ZNF891: variants seen among roughly 807,000 people sequenced by gnomAD.
The protein encoded by ZNF891 is hCG1646157.
For synonymous variants in ZNF891, 199 were observed against 209.0 expected (o/e 0.95, Z 0.41); for missense variants, 589 against 632.7 (o/e 0.93, Z 0.74).
At position 133,109,394 on chromosome 12, in the gene ZNF891, C is replaced by T. The variant is rs1955664004; in HGVS notation, c.*10890G>A. 6.6e-6 allele frequency: 1 copy of T among 152,114 alleles called. No individual in the cohort carries two copies. Among genetic ancestry groups the T allele is most frequent in the African/African-American group, 2.4e-5 (1 of 41,414 alleles). The allele number at this position is 152,114 out of a possible 1,614,324, so 9.4% of individuals were successfully genotyped here. On this transcript the variant is annotated 3_prime_UTR_variant, in exon 2 of 2. Transcript: ENST00000537226. ...GATGCACTGTTAATGAGAATTTTAA[C>T]CATATAGGTGGCAATGGCTAAATGA...
intron 1 of ZNF891, among the ~76,000 whole-genome samples, chr12:133,126,969 C>CTTTT (rs543463648): frequency 9.0e-5 from 8 of 88,680 alleles, no homozygotes; most frequent in South Asian, 8.1e-4. Context: ...TACAGGAAAA[C>CTTTT]TTTTTTTTTT....
rs976273278 is a variant in ZNF891, at chr12:133,108,715, A to C, written c.*11569T>G. ...AACGTTTACTTTGGAGCAATCTCCA[A>C]TTAACCAAAGTGATACAAACACAGT... On this transcript the variant is annotated 3_prime_UTR_variant, in exon 2 of 2. Coordinates refer to ENST00000537226, the MANE Select transcript of ZNF891 (RefSeq NM_001277291.2). The C allele has an allele frequency of 2.0e-5, 3 of 152,252 alleles. No homozygotes were observed. The highest frequency in any genetic ancestry group is 7.2e-5 in the African/African-American group (3 of 41,468). The allele number at this position is 152,252 out of a possible 1,614,324, so 9.4% of individuals were successfully genotyped here.
rs553478006 is a variant in ZNF891 at position 133,110,567 on chromosome 12, C to A, written c.*9717G>T. The stretch of plus-strand genomic sequence containing the variant: ...AGCAACAATCAAATGCTTTGGGAGA[C>A]TTAAGATACTCACAAATAGGTAAAG... On this transcript the variant is annotated 3_prime_UTR_variant, in exon 2 of 2. Transcript: ENST00000537226. 6.6e-6 allele frequency: 1 copy of A among 152,308 alleles called. No individual in the cohort carries two copies. Among genetic ancestry groups the A allele is most frequent in the East Asian group, 1.9e-4 (1 of 5,192 alleles). The allele number at this position is 152,308 out of a possible 1,614,324, so 9.4% of individuals were successfully genotyped here.
chr12:133,128,804 A>AG (rs1443392585), intron 1 of ZNF891, among the ~76,000 whole-genome samples: 1 of 151,740 alleles, frequency 6.6e-6, no homozygotes, highest in Admixed American at 6.6e-5. Context: ...AAAAAAAAAA[A>AG]AAGTAGAAAA....
intron 1 of ZNF891, chr12:133,125,950 T>C: frequency 2.2e-6 from 1 of 445,892 alleles, no homozygotes; most frequent in Non-Finnish European, 4.4e-6. Flanking sequence ...CTGAATAATC[T>C]AAACTGAGTC....
chr12:133,129,669 A>T (rs555970284), intron 1 of ZNF891, among the ~76,000 whole-genome samples: 1 of 152,332 alleles, frequency 6.6e-6, no homozygotes, highest in Non-Finnish European at 1.5e-5. Context: ...TGAAGCTTGT[A>T]AAATCTTGTT....
chr12:133,105,229 G>T lies in ZNF891; in HGVS notation c.*15055C>A, dbSNP rs1034921771. Among the ~76,000 whole-genome samples the T allele has an allele frequency of 6.6e-6, 1 of 152,134 alleles. No individual in the cohort carries two copies. Among genetic ancestry groups the T allele is most frequent in the Non-Finnish European group, 1.5e-5 (1 of 68,026 alleles). ...ATACCGTTTAAATGGTGGTGAAGAA[G>T]ACTAGCAACCTATCCTTCACAAATA... On this transcript the variant is annotated 3_prime_UTR_variant, in exon 2 of 2. Coordinates refer to ENST00000537226, the MANE Select transcript of ZNF891 (RefSeq NM_001277291.2).
rs1344140782 is a variant in ZNF891, at chr12:133,120,222, G to C, written c.*62C>G. On this transcript the variant is annotated 3_prime_UTR_variant, in exon 2 of 2. Transcript: ENST00000537226. ...ATCGTTCTTTTAGAGAACAAAGACT[G>C]AGACAAGGAGCTTGGAATCCACCTT... 1 of 1,327,870 alleles carries C rather than the reference G, an allele frequency of 7.5e-7. No individual in the cohort carries two copies. The highest frequency in any genetic ancestry group is 1.5e-5 in the African/African-American group (1 of 67,548). 82.3% of individuals were successfully genotyped at this position (1,327,870 alleles called of 1,614,324 possible).
chr12:133,125,088 C>T (rs1348158225), intron 1 of ZNF891, among the ~76,000 whole-genome samples: 1 of 152,102 alleles, frequency 6.6e-6, no homozygotes, highest in Non-Finnish European at 1.5e-5. Flanking sequence ...ATTGTATAAA[C>T]ATTATCTGGA....
chr12:133,106,398 A>G lies in ZNF891; in HGVS notation c.*13886T>C, dbSNP rs757076042. ...TTCACTTGGCATGCATCCCTTATTC[A>G]ACATACGAAGAGTCACACTGGAGAG... is the stretch of plus-strand genomic sequence containing the variant. On this transcript the variant is annotated 3_prime_UTR_variant, in exon 2 of 2. Transcript: ENST00000537226. 11 of 1,614,222 alleles carry G rather than the reference A, an allele frequency of 6.8e-6. No homozygotes were observed. The Admixed American group carries it at 1.8e-4, about 27-fold the overall frequency.
Position 133,105,942 on chromosome 12 carries a change from G to A in ZNF891, c.*14342C>T. ...AAGAAACCCCATGAGTGTAAGGACT[G>A]TAATAAAACATTCAGTTACCTTTCA... On this transcript the variant is annotated 3_prime_UTR_variant, in exon 2 of 2. Coordinates refer to ENST00000537226, the MANE Select transcript of ZNF891 (RefSeq NM_001277291.2). 1 of 1,614,124 alleles carries A rather than the reference G, an allele frequency of 6.2e-7. No individual in the cohort carries two copies. Among genetic ancestry groups the A allele is most frequent in the Admixed American group, 1.7e-5 (1 of 60,022 alleles).
At chr12:133,123,257 T>C (rs954372019) in intron 1 of ZNF891, among the ~76,000 whole-genome samples, 1 of 152,152 alleles carries the variant, frequency 6.6e-6, no homozygotes, top group Non-Finnish European at 1.5e-5. Flanking sequence ...CATTTAGAAA[T>C]AGATTTTGTC....
Position 133,106,378 on chromosome 12 carries a change from T to G in ZNF891, c.*13906A>C. The G allele has an allele frequency of 1.2e-6, 2 of 1,614,180 alleles. No individual in the cohort carries two copies. Among genetic ancestry groups the G allele is most frequent in the Non-Finnish European group, 1.7e-6 (2 of 1,180,028 alleles). On this transcript the variant is annotated 3_prime_UTR_variant, in exon 2 of 2. Coordinates refer to ENST00000537226, the MANE Select transcript of ZNF891 (RefSeq NM_001277291.2). ...GTGATGAATGTGGTAAAGTTTTCACTTGGCATGCATCCCTTATTCAACATA... is the reference window on the plus strand; with the variant it reads ...GTGATGAATGTGGTAAAGTTTTCACGTGGCATGCATCCCTTATTCAACATA...
chr12:133,120,233 C>T lies in ZNF891; in HGVS notation c.*51G>A. ...AGAGAACAAAGACTGAGACAAGGAG[C>T]TTGGAATCCACCTTAAGACAATGAA... is the stretch of plus-strand genomic sequence containing the variant. On this transcript the variant is annotated 3_prime_UTR_variant, in exon 2 of 2. Transcript: ENST00000537226. The T allele has an allele frequency of 7.2e-7, 1 of 1,391,330 alleles. No homozygotes were observed. The highest frequency in any genetic ancestry group is 2.5e-5 in the East Asian group (1 of 39,788). The allele number at this position is 1,391,330 out of a possible 1,614,324, so 86.2% of individuals were successfully genotyped here. A position where few individuals can be genotyped will look rare whatever the true frequency, so the allele number is the denominator to read the frequency against.
chr12:133,120,584 A>G lies in ZNF891; in HGVS notation c.1335T>C (p.Ser445=), dbSNP rs761087597. 1.9e-6 allele frequency: 3 copies of G among 1,559,302 alleles called. No homozygotes were observed. Among genetic ancestry groups the G allele is most frequent in the Non-Finnish European group, 2.6e-6 (3 of 1,152,870 alleles). ...GAATTTTCTTATGAACTTTAAGGTG[A>G]GAGCTCGTGTTGAAGGCTTTTCCAC... ...SECGKAFNTS[S]HLKVHKKIHT... is the part of the protein sequence containing the mutation. Residue 445 remains serine (S), a synonymous_variant, in exon 2 of 2, where the codon TCT becomes TCC. Coordinates refer to ENST00000537226, the MANE Select transcript of ZNF891 (RefSeq NM_001277291.2).
At position 133,106,122 on chromosome 12, in the gene ZNF891, T is replaced by A; in HGVS notation, c.*14162A>T. On this transcript the variant is annotated 3_prime_UTR_variant, in exon 2 of 2. Transcript: ENST00000537226. ...ATATGTAGGAAATGTGGTAAAGCAT[T>A]TAGCAGTGGCTCAGAACTCATTCGC... 2 of 1,614,146 alleles carry A rather than the reference T, an allele frequency of 1.2e-6. No individual in the cohort carries two copies. Among genetic ancestry groups the A allele is most frequent in the Non-Finnish European group, 1.7e-6 (2 of 1,180,022 alleles).
chr12:133,126,008 A>C (rs571264340), intron 1 of ZNF891: 5 of 336,678 alleles, frequency 1.5e-5, no homozygotes, highest in Admixed American at 7.0e-5. Flanking sequence ...GGAAAAAATA[A>C]AATAGGATGA....
intron 1 of ZNF891, 135 bp downstream of exon 1, chr12:133,130,092 C>T (rs1206888520): frequency 6.6e-6 from 1 of 152,654 alleles, no homozygotes; most frequent in African/African-American, 2.4e-5. Context: ...CCTCTCCCAC[C>T]GCCGCCTCCC....
rs1458913634 is a variant in ZNF891, at chr12:133,106,462, C to G, written c.*13822G>C. ...GTGCTGAATGTGATAAAGCCTTCAG[C>G]CGGAGCTTTTCCCTCATTCTACATC... On this transcript the variant is annotated 3_prime_UTR_variant, in exon 2 of 2. Coordinates refer to ENST00000537226, the MANE Select transcript of ZNF891 (RefSeq NM_001277291.2). The G allele has an allele frequency of 4.3e-6, 7 of 1,613,902 alleles. No individual in the cohort carries two copies. The highest frequency in any genetic ancestry group is 1.3e-5 in the African/African-American group (1 of 74,892).
Sources: allele counts gnomAD v4.1 joint callset (sites outside exome capture counted in the v4.1 genomes callset), GRCh38; gene constraint gnomAD v4.1.1; transcripts MANE v1.5; gene names NCBI Gene and HGNC (gene_info 2026-07-23, HGNC 2026-07-21).